RGS22: variants seen among roughly 807,000 people sequenced by gnomAD.
The protein encoded by RGS22 is regulator of G protein signaling 22.
A neutral mutation model predicts 172.9 loss-of-function variants in RGS22; 148 were observed. The ratio of observed to expected loss-of-function variants is 0.86; its 90% CI spans 0.75 to 0.98. The LOEUF is 0.98. RGS22 is among the 50% of genes least tolerant of loss of function. The pLI is 0.00. For synonymous variants in RGS22, 458 were observed against 480.2 expected (o/e 0.95, Z 0.60); for missense variants, 1,347 against 1,440.8 (o/e 0.93, Z 1.05).
intron 9 of RGS22, among the ~76,000 whole-genome samples, chr8:100,058,594 A>G (rs1377610374): frequency 6.6e-6 from 1 of 152,162 alleles, no homozygotes; most frequent in Non-Finnish European, 1.5e-5. Context: ...CACCAACCTA[A>G]TATTTAACGT....
intron 2 of RGS22, among the ~76,000 whole-genome samples, chr8:100,104,475 G>A (rs562149979): frequency 6.6e-6 from 1 of 152,104 alleles, no homozygotes; most frequent in African/African-American, 2.4e-5. Context: ...ATGTGTGTAT[G>A]TGTAGATGTG....
chr8:100,014,829 C>T (rs1450012666), intron 14 of RGS22, among the ~76,000 whole-genome samples: 2 of 152,192 alleles, frequency 1.3e-5, no homozygotes, highest in African/African-American at 4.8e-5. Context: ...CCCTCATCTT[C>T]TTTTCCCCTT....
At chr8:100,105,156 A>G (rs1480571634) in intron 2 of RGS22, among the ~76,000 whole-genome samples, 1 of 152,224 alleles carries the variant, frequency 6.6e-6, no homozygotes, top group Non-Finnish European at 1.5e-5. Flanking sequence ...AACTTTAATG[A>G]TGAACAGCAT....
At chr8:100,036,375 A>G (rs1819476963) in intron 14 of RGS22, among the ~76,000 whole-genome samples, 1 of 152,174 alleles carries the variant, frequency 6.6e-6, no homozygotes, top group Non-Finnish European at 1.5e-5. Flanking sequence ...TGTACCCAAG[A>G]CAGTACTTCA....
In RGS22 at chr8:100,062,472, G is replaced by T; in HGVS notation, c.1514+119C>A. On this transcript the variant is annotated intron_variant, in intron 9 of 27. Transcript: ENST00000360863. ...GACAAGTACCTTAAAGAAGGCCAAAGATACAATAGTCTTGTCATTTTATGT... is the reference window on the plus strand; with the variant it reads ...GACAAGTACCTTAAAGAAGGCCAAATATACAATAGTCTTGTCATTTTATGT... 6.0e-6 allele frequency: 4 copies of T among 663,094 alleles called. No individual in the cohort carries two copies. In the South Asian group the frequency reaches 6.1e-5, roughly 10 times the overall value. 41.1% of individuals were successfully genotyped at this position (663,094 alleles called of 1,614,324 possible).
At chr8:100,036,480 C>T (rs1038853717) in intron 14 of RGS22, among the ~76,000 whole-genome samples, 1 of 152,150 alleles carries the variant, frequency 6.6e-6, no homozygotes, top group Non-Finnish European at 1.5e-5. Flanking sequence ...GTTCATGGGG[C>T]AATAAAACTT....
At chr8:100,041,995 A>G in intron 11 of RGS22, 79 bp from the exon 12 acceptor site, 3 of 798,782 alleles carry the variant, frequency 3.8e-6, no homozygotes, top group Non-Finnish European at 6.3e-6. Flanking sequence ...CACTTTTGGT[A>G]TACATAGCAC....
chr8:100,034,085 A>G (rs1297592788), intron 14 of RGS22, among the ~76,000 whole-genome samples: 1 of 152,184 alleles, frequency 6.6e-6, no homozygotes, highest in Non-Finnish European at 1.5e-5. Context: ...CACCACTCCT[A>G]TTCAACATAG....
chr8:100,082,282 T>A (rs951601474), intron 3 of RGS22, among the ~76,000 whole-genome samples: 1 of 152,138 alleles, frequency 6.6e-6, no homozygotes, highest in African/African-American at 2.4e-5. Context: ...ATGGGTAAAT[T>A]GCATGTTGCA....
chr8:99,974,899 G>A (rs1443713364), intron 23 of RGS22, among the ~76,000 whole-genome samples: 1 of 151,830 alleles, frequency 6.6e-6, no homozygotes, highest in African/African-American at 2.4e-5. Flanking sequence ...TGTAATCCCA[G>A]CACTTTGGGA....
At chr8:100,035,123 G>T (rs144813545) in intron 14 of RGS22, among the ~76,000 whole-genome samples, 2,914 of 152,176 alleles carry the variant, frequency 0.019, 87 homozygotes, top group East Asian at 0.11. Flanking sequence ...TAATTAAACT[G>T]AAGAGTTTCT....
chr8:100,090,524 C>A (rs1206094366), intron 3 of RGS22, among the ~76,000 whole-genome samples: 2 of 152,124 alleles, frequency 1.3e-5, no homozygotes, highest in Non-Finnish European at 2.9e-5. Context: ...TAAAAATCAA[C>A]CCCTGCTGGT....
chr8:100,105,875 T>G lies in RGS22; in HGVS notation c.25+22A>C, dbSNP rs887750124. Reference sequence around the variant, plus strand: ...CCCGACGCCGCGGGCTGATCCTCTGTCCCTGTGGGGCCGCCACCTACCCGC... The same window carrying G: ...CCCGACGCCGCGGGCTGATCCTCTGGCCCTGTGGGGCCGCCACCTACCCGC... On this transcript the variant is annotated intron_variant, in intron 1 of 27. Coordinates refer to ENST00000360863, the MANE Select transcript of RGS22 (RefSeq NM_015668.5). 14 of 1,505,118 alleles carry G rather than the reference T, an allele frequency of 9.3e-6. No homozygotes were observed. The Admixed American group carries it at 1.3e-4, about 14-fold the overall frequency. The allele number at this position is 1,505,118 out of a possible 1,614,324, so 93.2% of individuals were successfully genotyped here. A position where few individuals can be genotyped will look rare whatever the true frequency, so the allele number is the denominator to read the frequency against.
chr8:99,984,026 G>C (rs1457063202), intron 21 of RGS22, among the ~76,000 whole-genome samples: 1 of 152,192 alleles, frequency 6.6e-6, no homozygotes, highest in South Asian at 2.1e-4. Context: ...GCTTATGCCT[G>C]TAATCCCAAC....
At chr8:100,077,843 T>A (rs1057069415) in intron 4 of RGS22, among the ~76,000 whole-genome samples, 3 of 152,180 alleles carry the variant, frequency 2.0e-5, no homozygotes, top group African/African-American at 7.2e-5. Flanking sequence ...AACTATAAAT[T>A]TATCTATTTC....
chr8:100,093,860 T>C (rs1812771122), intron 2 of RGS22, among the ~76,000 whole-genome samples: 2 of 152,222 alleles, frequency 1.3e-5, no homozygotes, highest in Admixed American at 6.5e-5. Flanking sequence ...CACAGACTTA[T>C]TAAATATATA....
chr8:100,040,219 T>C (rs528631230), intron 12 of RGS22, 132 bp from the exon 13 acceptor site: 2 of 755,334 alleles, frequency 2.6e-6, no homozygotes, highest in South Asian at 1.9e-5. Context: ...TTGTACCATA[T>C]ATGTAATTAA....
intron 22 of RGS22, among the ~76,000 whole-genome samples, chr8:99,978,593 T>A (rs906650996): frequency 6.6e-6 from 1 of 152,200 alleles, no homozygotes; most frequent in East Asian, 1.9e-4. Flanking sequence ...TTAAATGATA[T>A]AATCTCTTAC....
intron 8 of RGS22, 56 bp from the exon 9 acceptor site, chr8:100,062,808 A>G (rs964391817): frequency 5.9e-6 from 8 of 1,357,724 alleles, no homozygotes; most frequent in Non-Finnish European, 8.2e-6. Flanking sequence ...ATATTCAACT[A>G]CCAAAATGTA....
Sources: gnomAD v4.1 joint callset for allele counts (sites outside exome capture counted in the v4.1 genomes callset) on GRCh38, gnomAD v4.1.1 for gene constraint, MANE v1.5 for transcripts, NCBI Gene and HGNC (gene_info 2026-07-23, HGNC 2026-07-21) for gene names.